Variants in NRXN3 observed in about 807,000 individuals in gnomAD.
The protein encoded by NRXN3 is neurexin 3, also known as neurexin III.
In NRXN3, 32 loss-of-function variants were observed where a neutral mutation model predicts 137.6. The observed-to-expected ratio is 0.23, with a 90% CI of 0.18 to 0.31. The LOEUF is 0.31. Among genes scored for constraint, NRXN3 ranks in the 10% least tolerant of loss-of-function variants. NRXN3 has a pLI of 1.00. For synonymous variants in NRXN3, 798 were observed against 784.5 expected (o/e 1.02, Z -0.29); for missense variants, 1,574 against 2,062.5 (o/e 0.76, Z 4.59).
chr14:79,198,956 G>A (rs1239576054), intron 15 of NRXN3, among the ~76,000 whole-genome samples: 1 of 152,184 alleles, frequency 6.6e-6, no homozygotes, highest in African/African-American at 2.4e-5. Flanking sequence ...CACGAAGTCA[G>A]GAGATGGAGA....
At chr14:78,421,352 TTAAAAA>T (rs1458962057) in intron 4 of NRXN3, among the ~76,000 whole-genome samples, 3 of 151,916 alleles carry the variant, frequency 2.0e-5, no homozygotes, top group African/African-American at 4.8e-5. Flanking sequence ...ACAGCAAAAG[TTAAAAA>T]TAAAATAGCG....
At chr14:78,551,775 A>C (rs1055411039) in intron 4 of NRXN3, among the ~76,000 whole-genome samples, 3 of 131,180 alleles carry the variant, frequency 2.3e-5, no homozygotes, top group Admixed American at 8.1e-5. Flanking sequence ...TCCCTTCCCC[A>C]CTCTACTTCC....
In NRXN3 at chr14:79,422,956, T is replaced by C. The variant is rs2095602632; in HGVS notation, c.3263-44265T>C. ...CTTGTGATCCACCCGCCTTGGCCTC[T>C]CAAAGTGCTGGGATTACAGGCATGG... is the stretch of plus-strand genomic sequence containing the variant. On this transcript the variant is annotated intron_variant, in intron 15 of 20. Transcript: ENST00000335750. Among the ~76,000 whole-genome samples the C allele has an allele frequency of 2.0e-5, 3 of 152,162 alleles. No homozygotes were observed. In the South Asian group the frequency reaches 6.2e-4, roughly 32 times the overall value.
intron 3 of NRXN3, among the ~76,000 whole-genome samples, chr14:78,295,772 A>G (rs574605292): frequency 1.1e-4 from 16 of 152,252 alleles, no homozygotes; most frequent in African/African-American, 3.9e-4. Flanking sequence ...AGTGAAATAC[A>G]CTTTGGGAAG....
rs1188302696 is a variant in NRXN3, at chr14:79,692,235, C to G, written c.3679C>G (p.Pro1227Ala). The change falls in exon 18 of 21, where the codon CCT becomes GCT. Residue 1227 changes from proline to alanine, a missense_variant. By Grantham distance (27) the Pro-to-Ala change is conservative. Around this residue, in one of 5 missense-constraint regions of NRXN3, gnomAD observed 133 missense variants for 241.8 expected, o/e 0.55. Coordinates refer to ENST00000335750, the MANE Select transcript of NRXN3 (RefSeq NM_001330195.2). ...KQKIPFKYNR[P>A]VEEWLQEKGR... ...GAAAATCCCCTTCAAATATAATCGGCCTGTAGAGGAGTGGCTGCAGGAAAA... is the reference window on the plus strand; with the variant it reads ...GAAAATCCCCTTCAAATATAATCGGGCTGTAGAGGAGTGGCTGCAGGAAAA... 6.2e-7 allele frequency: 1 copy of G among 1,609,658 alleles called. No homozygotes were observed. Among genetic ancestry groups the G allele is most frequent in the South Asian group, 1.1e-5 (1 of 90,358 alleles).
chr14:78,938,848 C>CTTTTTTT (rs1255540319), intron 10 of NRXN3, among the ~76,000 whole-genome samples: 5,160 of 131,064 alleles, frequency 0.039, 167 homozygotes, highest in Non-Finnish European at 0.059. Context: ...AGTGATTTTT[C>CTTTTTTT]TTTTTTTTTT....
chr14:78,243,405 G>C lies in NRXN3; in HGVS notation c.312G>C (p.Val104=). ...CTGCCGTGCTGTCCAACAAGCAGGT[G>C]AATGACAGCAGCTGGCACTTCCTCA... The part of the protein sequence containing the change: ...AETAVLSNKQ[V]NDSSWHFLMV... Residue 104 remains valine (V), a synonymous_variant, in exon 2 of 21, where the codon GTG becomes GTC. Transcript: ENST00000335750. This position sits in a 1 kb window ranked among gnomAD's most constrained non-coding sequence, Gnocchi z 4.2. The C allele has an allele frequency of 6.4e-7, 1 of 1,568,074 alleles. No individual in the cohort carries two copies. The highest frequency in any genetic ancestry group is 8.6e-7 in the Non-Finnish European group (1 of 1,164,552).
intron 3 of NRXN3, among the ~76,000 whole-genome samples, chr14:78,297,582 C>T (rs1439603177): frequency 2.6e-5 from 4 of 152,174 alleles, no homozygotes; most frequent in Non-Finnish European, 5.9e-5. Context: ...TCTGCAAACA[C>T]AAGACTGTAA....
At chr14:79,257,966 G>C (rs1187019983) in intron 15 of NRXN3, among the ~76,000 whole-genome samples, 3 of 151,786 alleles carry the variant, frequency 2.0e-5, no homozygotes, top group African/African-American at 7.3e-5. Flanking sequence ...AAAAAGTTGT[G>C]ACTGTTCTCT....
intron 15 of NRXN3, among the ~76,000 whole-genome samples, chr14:79,409,935 G>A (rs571966710): frequency 4.0e-5 from 6 of 151,454 alleles, no homozygotes; most frequent in Admixed American, 6.6e-5. Context: ...AACTTCTCTC[G>A]TCCCACTCCT....
intron 4 of NRXN3, among the ~76,000 whole-genome samples, chr14:78,568,450 C>A (rs2096856748): frequency 6.6e-6 from 1 of 152,164 alleles, no homozygotes; most frequent in Admixed American, 6.5e-5. Context: ...TGTTTATAAG[C>A]TACCCAGTTT....
At chr14:78,215,743 G>C (rs959740233) in intron 1 of NRXN3, among the ~76,000 whole-genome samples, 3 of 121,882 alleles carry the variant, frequency 2.5e-5, no homozygotes, top group East Asian at 2.8e-4. Flanking sequence ...GTTTGTGCTG[G>C]GGGGGTTTCG....
At chr14:78,477,896 T>TCA (rs1243448271) in intron 4 of NRXN3, among the ~76,000 whole-genome samples, 2 of 151,622 alleles carry the variant, frequency 1.3e-5, no homozygotes, top group African/African-American at 2.4e-5. Flanking sequence ...TCTCTCTGTC[T>TCA]CACACACACA....
At chr14:78,316,736 C>T (rs959495762) in intron 4 of NRXN3, among the ~76,000 whole-genome samples, 2 of 152,144 alleles carry the variant, frequency 1.3e-5, no homozygotes, top group East Asian at 1.9e-4. Context: ...TTTATGGGCT[C>T]AGTTTCTAAA....
At chr14:78,226,207 G>A (rs958784687) in intron 1 of NRXN3, among the ~76,000 whole-genome samples, 7 of 152,202 alleles carry the variant, frequency 4.6e-5, no homozygotes, top group African/African-American at 7.2e-5. Context: ...GTTTTACCAC[G>A]TTAGCCAGGA....
At chr14:78,992,864 C>T (rs2099521718) in intron 15 of NRXN3, among the ~76,000 whole-genome samples, 1 of 152,134 alleles carries the variant, frequency 6.6e-6, no homozygotes, top group African/African-American at 2.4e-5. Flanking sequence ...GTCCTTAACA[C>T]ACATCAAGTT....
At chr14:78,874,282 T>C (rs1240127902) in intron 10 of NRXN3, among the ~76,000 whole-genome samples, 1 of 152,156 alleles carries the variant, frequency 6.6e-6, no homozygotes, top group Non-Finnish European at 1.5e-5. Context: ...TGAAGTGATT[T>C]TCAAACATAG....
At chr14:78,539,526 A>C (rs1175124840) in intron 4 of NRXN3, among the ~76,000 whole-genome samples, 1 of 151,698 alleles carries the variant, frequency 6.6e-6, no homozygotes, top group East Asian at 1.9e-4. Flanking sequence ...CTTGCTAGTG[A>C]TCTATCAATT....
At chr14:78,207,851 C>CT (rs976873719) in intron 1 of NRXN3, among the ~76,000 whole-genome samples, 1 of 152,170 alleles carries the variant, frequency 6.6e-6, no homozygotes, top group African/African-American at 2.4e-5. Flanking sequence ...ACCACCCATT[C>CT]TTTTTTTCTT....
Sources: allele counts gnomAD v4.1 joint callset (sites outside exome capture counted in the v4.1 genomes callset), GRCh38; gene constraint gnomAD v4.1.1; regional missense constraint gnomAD v4.1.1; non-coding constraint Gnocchi (gnomAD v3.1); transcripts MANE v1.5; gene names NCBI Gene and HGNC (gene_info 2026-07-23, HGNC 2026-07-21).